Variants in DGLUCY observed in about 807,000 individuals in gnomAD.
DGLUCY encodes D-glutamate cyclase, mitochondrial.
In DGLUCY, 58 loss-of-function variants were observed where a neutral mutation model predicts 58.5. That is an observed-to-expected ratio of 0.99 (90% confidence interval 0.80 to 1.23). DGLUCY has a LOEUF of 1.23. Ranked by LOEUF, DGLUCY falls within the 50% of genes most tolerant of loss-of-function variation. The probability of loss-of-function intolerance (pLI) is 0.00; values close to 1 mark genes in which losing one functional copy is unlikely to be tolerated. For synonymous variants in DGLUCY, 325 were observed against 314.1 expected, an observed-to-expected ratio of 1.03 and a Z score of -0.37; for missense variants, 779 against 784.7, an observed-to-expected ratio of 0.99 and a Z score of 0.09.
chr14:91,111,024 G>T (rs1339545475), upstream of DGLUCY, among the ~76,000 whole-genome samples: 1 of 152,056 alleles, frequency 6.6e-6, no homozygotes, highest in African/African-American at 2.4e-5. Flanking sequence ...GCTGATTTCA[G>T]TTGGCTTAAC....
At chr14:91,110,886 T>C (rs2044681322), upstream of DGLUCY, among the ~76,000 whole-genome samples, 1 of 152,216 alleles carries the variant, frequency 6.6e-6, no homozygotes, top group African/African-American at 2.4e-5. Flanking sequence ...AACTTCTTCA[T>C]TTCAGTAACT....
chr14:91,180,469 G>C (rs896655034), intron 7 of DGLUCY, among the ~76,000 whole-genome samples: 3 of 151,446 alleles, frequency 2.0e-5, no homozygotes, highest in Non-Finnish European at 2.9e-5. Flanking sequence ...CTACTCAGGA[G>C]GCTGAGGCGG....
intron 4 of DGLUCY, 152 bp from the exon 5 acceptor site, chr14:91,169,851 C>T: frequency 1.3e-6 from 1 of 740,954 alleles, no homozygotes. Context: ...CAGCAAGGCC[C>T]CCTGCTGAAA....
At chr14:91,145,983 A>G (rs745544295) in intron 1 of DGLUCY, among the ~76,000 whole-genome samples, 8 of 152,042 alleles carry the variant, frequency 5.3e-5, no homozygotes, top group African/African-American at 1.4e-4. Flanking sequence ...GGCTGAAGCA[A>G]TCCTCCCGCA....
At chr14:91,100,890 G>A (rs768004411) in intron 1 of DGLUCY, among the ~76,000 whole-genome samples, 3 of 152,054 alleles carry the variant, frequency 2.0e-5, no homozygotes, top group Admixed American at 6.6e-5. Flanking sequence ...GGCCAACATG[G>A]TAAAACCCTG....
At chr14:91,151,526 G>A (rs912427475) in intron 1 of DGLUCY, among the ~76,000 whole-genome samples, 13 of 152,140 alleles carry the variant, frequency 8.5e-5, no homozygotes, top group Non-Finnish European at 1.3e-4. Context: ...GAGTACAGGC[G>A]TGAGCCACCA....
At chr14:91,087,897 C>T (rs931985920) in intron 1 of DGLUCY, among the ~76,000 whole-genome samples, 1 of 152,188 alleles carries the variant, frequency 6.6e-6, no homozygotes, top group Non-Finnish European at 1.5e-5. Flanking sequence ...CTTTACCGCA[C>T]CAGGGAACAA....
At chr14:91,153,278 G>C (rs1315647448) in intron 1 of DGLUCY, among the ~76,000 whole-genome samples, 2 of 152,104 alleles carry the variant, frequency 1.3e-5, no homozygotes, top group Admixed American at 6.5e-5. Flanking sequence ...TGCCTCCCTG[G>C]TTCAAGCGAG....
chr14:91,215,601 C>A (rs1383449769), intron 13 of DGLUCY, 45 bp downstream of exon 13: 1 of 1,611,740 alleles, frequency 6.2e-7, no homozygotes, highest in East Asian at 2.2e-5. Context: ...AGCTTTTACC[C>A]TGGATGAGCA....
chr14:91,173,263 CT>C, intron 5 of DGLUCY, 25 bp from the exon 6 acceptor site: 10 of 1,595,036 alleles, frequency 6.3e-6, no homozygotes, highest in Non-Finnish European at 8.6e-6. Context: ...AACATTTTCA[CT>C]TGATTTTTTT....
intron 3 of DGLUCY, chr14:91,165,289 C>G (rs925798510): frequency 1.8e-5 from 8 of 456,000 alleles, no homozygotes; most frequent in African/African-American, 1.2e-4. Context: ...TCCTGAACAC[C>G]GAGGTGCTCA....
intron 1 of DGLUCY, among the ~76,000 whole-genome samples, chr14:91,062,558 AATATATATATATATAT>A (rs1157690131): frequency 8.4e-5 from 2 of 23,696 alleles, no homozygotes; most frequent in African/African-American, 3.9e-4. Flanking sequence ...AAAAAAAAAA[AATATATATATATATAT>A]ATATATATAT....
intron 8 of DGLUCY, among the ~76,000 whole-genome samples, chr14:91,181,698 G>A (rs575534609): frequency 1.1e-4 from 16 of 141,620 alleles, no homozygotes; most frequent in African/African-American, 4.2e-4. Flanking sequence ...TTTTGAGACA[G>A]AGTCTTACTC....
intron 1 of DGLUCY, among the ~76,000 whole-genome samples, chr14:91,070,221 C>T (rs2043892618): frequency 1.3e-5 from 2 of 152,042 alleles, no homozygotes; most frequent in Admixed American, 1.3e-4. Context: ...GTGACCTGCC[C>T]TCCAAGCCAA....
At chr14:91,218,453 A>T (rs942818051) in intron 13 of DGLUCY, among the ~76,000 whole-genome samples, 1 of 150,068 alleles carries the variant, frequency 6.7e-6, no homozygotes. Flanking sequence ...ACCAGGCTGG[A>T]GTGCAGTGGA....
At chr14:91,100,940 G>A (rs756317042) in intron 1 of DGLUCY, among the ~76,000 whole-genome samples, 28 of 151,928 alleles carry the variant, frequency 1.8e-4, no homozygotes, top group Non-Finnish European at 2.4e-4. Context: ...GCATGGTGGC[G>A]CACACCTATG....
chr14:91,094,016 T>C (rs1397419423), intron 1 of DGLUCY, among the ~76,000 whole-genome samples: 1 of 152,164 alleles, frequency 6.6e-6, no homozygotes, highest in Non-Finnish European at 1.5e-5. Context: ...TGAAAAGTTC[T>C]GGAACTAGAT....
chr14:91,097,367 G>A (rs1273463053), intron 1 of DGLUCY, among the ~76,000 whole-genome samples: 1 of 152,178 alleles, frequency 6.6e-6, no homozygotes, highest in Admixed American at 6.5e-5. Context: ...CTGGACTCCA[G>A]CTTGGGTGAC....
intron 1 of DGLUCY, among the ~76,000 whole-genome samples, chr14:91,153,646 C>T (rs925540533): frequency 6.6e-6 from 1 of 152,194 alleles, no homozygotes; most frequent in East Asian, 1.9e-4. Context: ...TTCTGCGTCA[C>T]GGGAACAACC....
Sources: allele counts gnomAD v4.1 joint callset (sites outside exome capture counted in the v4.1 genomes callset), GRCh38; gene constraint gnomAD v4.1.1; transcripts MANE v1.5; gene names NCBI Gene and HGNC (gene_info 2026-07-23, HGNC 2026-07-21).